Variants in MARCHF10 observed in about 807,000 individuals in gnomAD.
MARCHF10 encodes the protein membrane associated ring-CH-type finger 10.
In MARCHF10, 64 loss-of-function variants were observed where a neutral mutation model predicts 76.2. That is an observed-to-expected ratio of 0.84 (90% CI 0.69 to 1.03). MARCHF10 has a LOEUF of 1.03. MARCHF10 is among the 50% of genes least tolerant of loss of function. The probability of loss-of-function intolerance (pLI) is 0.00; values close to 1 mark genes in which losing one functional copy is unlikely to be tolerated. For missense variants in MARCHF10, 875 were observed against 958.0 expected (o/e 0.91, Z 1.14); for synonymous variants, 340 against 357.5 (o/e 0.95, Z 0.55).
At chr17:62,746,483 G>A (rs527892768) in intron 4 of MARCHF10, among the ~76,000 whole-genome samples, 2 of 152,174 alleles carry the variant, frequency 1.3e-5, no homozygotes, top group South Asian at 4.2e-4. Flanking sequence ...GAGAGAGAGG[G>A]ATCAGGTGTT....
At chr17:62,749,967 AAAT>A (rs2091840638) in intron 4 of MARCHF10, 1 of 152,378 alleles carries the variant, frequency 6.6e-6, no homozygotes, top group South Asian at 2.1e-4. Context: ...GTAAGAAATC[AAAT>A]GAGTCTCCAG....
chr17:62,732,900 G>T (rs1259520887), intron 6 of MARCHF10, among the ~76,000 whole-genome samples: 1 of 149,180 alleles, frequency 6.7e-6, no homozygotes, highest in Non-Finnish European at 1.5e-5. Flanking sequence ...GGCTGAGGCA[G>T]GAGAATCAAT....
intron 2 of MARCHF10, among the ~76,000 whole-genome samples, chr17:62,800,828 C>T (rs2093059177): frequency 6.6e-6 from 1 of 152,192 alleles, no homozygotes; most frequent in Non-Finnish European, 1.5e-5. Context: ...CCTCAGGATT[C>T]CTCAGGCTCC....
intron 4 of MARCHF10, among the ~76,000 whole-genome samples, chr17:62,754,368 C>T (rs187221916): frequency 2.2e-4 from 33 of 152,280 alleles, no homozygotes; most frequent in East Asian, 2.1e-3. Flanking sequence ...CCACTGCGCC[C>T]GGCCAAATTC....
chr17:62,715,285 G>A (rs897521226), intron 8 of MARCHF10, among the ~76,000 whole-genome samples: 2 of 152,246 alleles, frequency 1.3e-5, no homozygotes, highest in Non-Finnish European at 2.9e-5. Context: ...GAAAAGAAGA[G>A]CATGACCATC....
Position 62,712,869 on chromosome 17 carries a change from T to C in MARCHF10, c.2215-1525A>G, listed in dbSNP as rs1051338268. On this transcript the variant is annotated intron_variant, in intron 8 of 10. Coordinates refer to ENST00000311269, the MANE Select transcript of MARCHF10 (RefSeq NM_152598.4). The surrounding 1 kb of genome is among the most constrained non-coding windows in gnomAD (Gnocchi z 4.2). ...AAGCAATTCTCCTGCCTCAGCCTCC[T>C]GAGTAGCTGGGATTACAGGTGTGCA... is the stretch of plus-strand genomic sequence containing the variant. Among the ~76,000 whole-genome samples, 5 of 152,116 alleles carry C rather than the reference T, an allele frequency of 3.3e-5. No homozygotes were observed. Among genetic ancestry groups the C allele is most frequent in the Non-Finnish European group, 5.9e-5 (4 of 68,012 alleles).
intron 3 of MARCHF10, among the ~76,000 whole-genome samples, chr17:62,777,486 G>A (rs2092572921): frequency 1.3e-5 from 2 of 152,090 alleles, no homozygotes; most frequent in African/African-American, 4.8e-5. Flanking sequence ...ACTTTGGGAG[G>A]CCAAGGTGGG....
chr17:62,794,372 C>G (rs1164413090), intron 2 of MARCHF10, among the ~76,000 whole-genome samples: 1 of 152,236 alleles, frequency 6.6e-6, no homozygotes, highest in Non-Finnish European at 1.5e-5. Flanking sequence ...TGGTTTACTT[C>G]TATATTTCTA....
At chr17:62,716,978 T>C (rs909235629) in intron 8 of MARCHF10, among the ~76,000 whole-genome samples, 2 of 152,174 alleles carry the variant, frequency 1.3e-5, no homozygotes, top group African/African-American at 2.4e-5. Context: ...GGCACAGGTG[T>C]CCATGTCACC....
chr17:62,726,695 C>T (rs572248720), intron 6 of MARCHF10, among the ~76,000 whole-genome samples: 29 of 152,252 alleles, frequency 1.9e-4, no homozygotes, highest in African/African-American at 2.9e-4. Flanking sequence ...TGCAGTGGCT[C>T]GATCTCAGCT....
intron 4 of MARCHF10, among the ~76,000 whole-genome samples, chr17:62,752,828 C>T (rs1254889238): frequency 6.6e-6 from 1 of 152,086 alleles, no homozygotes; most frequent in African/African-American, 2.4e-5. Flanking sequence ...CCCCCATCCC[C>T]TGCAACTGCT....
At chr17:62,704,803 A>T (rs1461508282) in intron 10 of MARCHF10, 1 of 465,634 alleles carries the variant, frequency 2.1e-6, no homozygotes, top group Non-Finnish European at 2.8e-6. Flanking sequence ...GCAGTTGTGA[A>T]ATTTTCCCCC....
Position 62,759,919 on chromosome 17 carries a change from C to T in MARCHF10, c.298G>A (p.Asp100Asn). ...FKCDSKLPAIDQTSVKQKHKS... is the reference protein window; with the variant it reads ...FKCDSKLPAINQTSVKQKHKS... Reference sequence around the variant, plus strand: ...TGTTTCTGCTTGACTGATGTTTGGTCAATTGCTGGAAGTTTGGAGTCACAC... The same window carrying T: ...TGTTTCTGCTTGACTGATGTTTGGTTAATTGCTGGAAGTTTGGAGTCACAC... The change falls in exon 4 of 11, where the codon GAC (aspartate) becomes AAC (asparagine). Residue 100 changes from aspartate to asparagine, a missense_variant. Transcript: ENST00000311269. 6.2e-7 allele frequency: 1 copy of T among 1,614,038 alleles called. No homozygotes were observed. The highest frequency in any genetic ancestry group is 1.1e-5 in the South Asian group (1 of 91,064).
chr17:62,797,313 T>C (rs2093001811), intron 2 of MARCHF10, among the ~76,000 whole-genome samples: 1 of 152,218 alleles, frequency 6.6e-6, no homozygotes, highest in Non-Finnish European at 1.5e-5. Context: ...CAAGCGATTC[T>C]CCTGCCTCAG....
At chr17:62,803,812 G>A (rs527253631) in intron 1 of MARCHF10, among the ~76,000 whole-genome samples, 113 of 152,176 alleles carry the variant, frequency 7.4e-4, no homozygotes, top group Non-Finnish European at 9.7e-4. Context: ...TACTGCGCCC[G>A]GCCCATAGTT....
rs879506730 is a variant in MARCHF10, at chr17:62,712,907, G to A, written c.2215-1563C>T. On this transcript the variant is annotated intron_variant, in intron 8 of 10. Coordinates refer to ENST00000311269, the MANE Select transcript of MARCHF10 (RefSeq NM_152598.4). The surrounding 1 kb of genome is among the most constrained non-coding windows in gnomAD (Gnocchi z 4.2). The stretch of plus-strand genomic sequence containing the variant: ...TTACAGGTGTGCACCACCACGCCCA[G>A]CTAATTTTTGTATTTTTAGTAGAGA... 5.3e-5 allele frequency among the ~76,000 whole-genome samples: 8 copies of A among 152,102 alleles called. No homozygotes were observed. The highest frequency in any genetic ancestry group is 1.2e-4 in the Non-Finnish European group (8 of 68,020).
intron 5 of MARCHF10, among the ~76,000 whole-genome samples, chr17:62,742,382 A>T (rs370785047): frequency 6.6e-6 from 1 of 152,154 alleles, no homozygotes; most frequent in Non-Finnish European, 1.5e-5. Flanking sequence ...AGCTTTCTGC[A>T]TATTATCTCT....
At chr17:62,721,448 C>CA (rs1183901768) in intron 8 of MARCHF10, among the ~76,000 whole-genome samples, 1 of 151,846 alleles carries the variant, frequency 6.6e-6, no homozygotes, top group Non-Finnish European at 1.5e-5. Context: ...GCCACCTGTT[C>CA]ATTAGCCACA....
chr17:62,806,267 T>C (rs1208585510), intron 1 of MARCHF10, among the ~76,000 whole-genome samples: 2 of 152,218 alleles, frequency 1.3e-5, no homozygotes, highest in Non-Finnish European at 2.9e-5. Context: ...AGATAATGCT[T>C]AATTCATGGA....
Sources: allele counts gnomAD v4.1 joint callset (sites outside exome capture counted in the v4.1 genomes callset), GRCh38; gene constraint gnomAD v4.1.1; non-coding constraint Gnocchi (gnomAD v3.1); transcripts MANE v1.5; gene names NCBI Gene and HGNC (gene_info 2026-07-23, HGNC 2026-07-21).